NOTCH2: variants seen among roughly 807,000 people sequenced by gnomAD.
NOTCH2 encodes neurogenic locus notch homolog protein 2.
In NOTCH2, 29 loss-of-function variants were observed where a neutral mutation model predicts 235.8. The ratio of observed to expected loss-of-function variants is 0.12; its 90% CI spans 0.09 to 0.17. The LOEUF (loss-of-function observed/expected upper bound fraction) is 0.17. NOTCH2 is among the 10% of genes least tolerant of loss of function. The pLI is 1.00. For synonymous variants in NOTCH2, 1,086 were observed against 1,141.5 expected (o/e 0.95, Z 0.98); for missense variants, 2,285 against 3,150.2 (o/e 0.73, Z 6.57).
chr1:119,989,212 G>A (rs1196578943), intron 4 of NOTCH2, among the ~76,000 whole-genome samples: 2 of 152,126 alleles, frequency 1.3e-5, no homozygotes, highest in Non-Finnish European at 2.9e-5. Context: ...CACCTTAAAT[G>A]GTTATTGTAA....
intron 22 of NOTCH2, among the ~76,000 whole-genome samples, chr1:119,933,503 A>C (rs1649737197): frequency 6.6e-6 from 1 of 152,244 alleles, no homozygotes; most frequent in Non-Finnish European, 1.5e-5. Flanking sequence ...AAACTATCAA[A>C]AGATAAAGAA....
chr1:119,989,004 T>C (rs1189438673), intron 4 of NOTCH2, among the ~76,000 whole-genome samples: 3 of 152,222 alleles, frequency 2.0e-5, no homozygotes, highest in African/African-American at 7.2e-5. Flanking sequence ...TATAACTGAT[T>C]GACTATTGTT....
intron 1 of NOTCH2, among the ~76,000 whole-genome samples, chr1:120,041,072 AT>A (rs1307222438): frequency 4.4e-5 from 4 of 90,322 alleles, no homozygotes; most frequent in Admixed American, 1.0e-4. Flanking sequence ...AAAAAAAAAA[AT>A]ATATATATAT....
At chr1:119,956,018 G>A (rs996723493) in intron 12 of NOTCH2, among the ~76,000 whole-genome samples, 5 of 152,132 alleles carry the variant, frequency 3.3e-5, no homozygotes, top group African/African-American at 9.6e-5. Context: ...TAGATTTTGA[G>A]AAATTCTGTT....
In NOTCH2 at chr1:119,925,822, A is replaced by G. The variant is rs1649455487; in HGVS notation, c.4006-12T>C. ...GCCCCGGAAAATCCCTGTGGAAATC[A>G]GTGAGGAAATAAAAATGGCATTGGT... On this transcript the variant is annotated splice_polypyrimidine_tract_variant and intron_variant, in intron 24 of 33. Coordinates refer to ENST00000256646, the MANE Select transcript of NOTCH2 (RefSeq NM_024408.4). 6.2e-7 allele frequency: 1 copy of G among 1,613,876 alleles called. No individual in the cohort carries two copies. The highest frequency in any genetic ancestry group is 8.5e-7 in the Non-Finnish European group (1 of 1,179,962).
chr1:119,942,824 T>A (rs1650107742), intron 17 of NOTCH2, among the ~76,000 whole-genome samples: 1 of 152,046 alleles, frequency 6.6e-6, no homozygotes, highest in African/African-American at 2.4e-5. Flanking sequence ...GTGCCTTGGA[T>A]ACTTTTTCAC....
rs587650238 is a variant in NOTCH2 at position 119,948,803 on chromosome 1, C to T, written c.2599+204G>A. The stretch of plus-strand genomic sequence containing the variant: ...TGAGGCTTAGGTTGCAGCCTTCCAG[C>T]CGCTAGGGGGCCCCGAAGACAAGGA... On this transcript the variant is annotated intron_variant, in intron 16 of 33. Transcript: ENST00000256646. Among the ~76,000 whole-genome samples the T allele has an allele frequency of 2.3e-3, 352 of 152,232 alleles. No homozygotes were observed. In the Middle Eastern group the frequency reaches 0.024, roughly 10 times the overall value.
chr1:119,953,755 C>T (rs1553198108), intron 13 of NOTCH2, 67 bp from the exon 14 acceptor site: 3 of 1,397,186 alleles, frequency 2.1e-6, no homozygotes, highest in African/African-American at 2.8e-5. Flanking sequence ...GAGTGAAATA[C>T]AGGACTTGGT....
chr1:119,934,261 T>G (rs1386678593), intron 22 of NOTCH2, among the ~76,000 whole-genome samples: 2 of 152,334 alleles, frequency 1.3e-5, no homozygotes, highest in East Asian at 3.9e-4. Flanking sequence ...CAGAGGCAGA[T>G]GCTGGCACCG....
At position 119,914,398 on chromosome 1, in the gene NOTCH2, C is replaced by T; in HGVS notation, c.*908G>A. The T allele has an allele frequency of 4.3e-6, 1 of 233,052 alleles. No homozygotes were observed. 14.4% of individuals were successfully genotyped at this position (233,052 alleles called of 1,614,324 possible). A position where few individuals can be genotyped will look rare whatever the true frequency, so the allele number is the denominator to read the frequency against. On this transcript the variant is annotated 3_prime_UTR_variant, in exon 34 of 34. Coordinates refer to ENST00000256646, the MANE Select transcript of NOTCH2 (RefSeq NM_024408.4). ...AAAAAAGTGGGGAGGGTCATAGTAA[C>T]TAGACTATCAAGGATAAAACTTTAC...
chr1:119,926,267 G>C (rs748795701), intron 24 of NOTCH2, among the ~76,000 whole-genome samples: 5 of 152,186 alleles, frequency 3.3e-5, no homozygotes, highest in Non-Finnish European at 7.3e-5. Flanking sequence ...GTCATGGATT[G>C]GGAAGCTCAC....
chr1:119,935,732 C>T (rs1200205916), intron 21 of NOTCH2, 128 bp from the exon 22 acceptor site: 1 of 1,017,530 alleles, frequency 9.8e-7, no homozygotes, highest in African/African-American at 1.6e-5. Context: ...TGTATGTTTT[C>T]TCTGGAACCA....
At chr1:120,043,125 T>C (rs1654647244) in intron 1 of NOTCH2, among the ~76,000 whole-genome samples, 2 of 151,742 alleles carry the variant, frequency 1.3e-5, no homozygotes, top group African/African-American at 2.4e-5. Context: ...CCATACAATA[T>C]ATTTAGGATT....
rs1649019862 is a variant in NOTCH2, at chr1:119,915,167, TGAATA to T, written c.*134_*138del. The T allele has an allele frequency of 8.0e-6, 7 of 879,372 alleles. No individual in the cohort carries two copies. Among genetic ancestry groups the T allele is most frequent in the Non-Finnish European group, 1.3e-5 (7 of 540,864 alleles). The allele number at this position is 879,372 out of a possible 1,614,324, so 54.5% of individuals were successfully genotyped here. ...GACGAATTGCTTCTCTTGCATTATC[TGAATA>T]AGAACATCTTCTCTTTCCTACCTCT... is the stretch of plus-strand genomic sequence containing the variant. On this transcript the variant is annotated 3_prime_UTR_variant, in exon 34 of 34. Coordinates refer to ENST00000256646, the MANE Select transcript of NOTCH2 (RefSeq NM_024408.4).
chr1:119,935,943 C>T (rs112363210), intron 21 of NOTCH2, among the ~76,000 whole-genome samples: 1 of 152,184 alleles, frequency 6.6e-6, no homozygotes, highest in Admixed American at 6.5e-5. Flanking sequence ...AATACACATT[C>T]CTCCGTATGT....
chr1:119,987,465 T>C (rs988293211), intron 4 of NOTCH2, among the ~76,000 whole-genome samples: 11 of 152,160 alleles, frequency 7.2e-5, no homozygotes, highest in African/African-American at 2.7e-4. Context: ...AGATAAAATA[T>C]TACCTAATTA....
rs1553196318 is a variant in NOTCH2 at position 119,940,568 on chromosome 1, C to G, written c.3170G>C (p.Gly1057Ala). The G allele has an allele frequency of 2.5e-6, 4 of 1,613,614 alleles. No individual in the cohort carries two copies. The African/African-American group carries it at 4.0e-5, about 16-fold the overall frequency. ...YRCSCPLGYTGKNCQTLVNLC... is the reference protein window; with the variant it reads ...YRCSCPLGYTAKNCQTLVNLC... Reference sequence around the variant, plus strand: ...GAAGTCAATTACCTGACAGTTTTTCCCAGTGTAGCCCAGGGGGCAGCTGCA... The same window carrying G: ...GAAGTCAATTACCTGACAGTTTTTCGCAGTGTAGCCCAGGGGGCAGCTGCA... The change falls in exon 19 of 34, where the codon GGG (glycine) becomes GCG (alanine). Residue 1057 changes from glycine to alanine, a missense_variant. Physicochemically the swap from Gly to Ala is moderately conservative, Grantham distance 60 (BLOSUM62 0). Transcript: ENST00000256646.
intron 22 of NOTCH2, among the ~76,000 whole-genome samples, chr1:119,934,883 C>T (rs1487135692): frequency 6.6e-6 from 1 of 152,146 alleles, no homozygotes; most frequent in African/African-American, 2.4e-5. Context: ...AGAATGATGG[C>T]CATACCACTC....
chr1:119,925,950 T>G (rs1267110545), intron 24 of NOTCH2, 140 bp from the exon 25 acceptor site: 1 of 997,594 alleles, frequency 1.0e-6, no homozygotes, highest in African/African-American at 1.6e-5. Flanking sequence ...CTAGACAGGT[T>G]TCCTTTTGGT....
Sources: gnomAD v4.1 joint callset for allele counts (sites outside exome capture counted in the v4.1 genomes callset) on GRCh38, gnomAD v4.1.1 for gene constraint, MANE v1.5 for transcripts, NCBI Gene and HGNC (gene_info 2026-07-23, HGNC 2026-07-21) for gene names.